Variants in THRB observed in about 807,000 individuals in gnomAD.
THRB encodes thyroid hormone receptor beta.
THRB carries 12 observed loss-of-function variants against 47.8 expected under a neutral mutation model. The observed-to-expected ratio is 0.25, with a 90% CI of 0.16 to 0.41. The LOEUF (loss-of-function observed/expected upper bound fraction) is 0.41, where lower values mean the gene tolerates loss of function less well. Among genes scored for constraint, THRB ranks in the 10% least tolerant of loss-of-function variants. The pLI is 1.00. For synonymous variants in THRB, 218 were observed against 212.2 expected, an observed-to-expected ratio of 1.03 and a Z score of -0.24; for missense variants, 348 against 589.2, an observed-to-expected ratio of 0.59 and a Z score of 4.24.
At chr3:24,164,089 A>G (rs900004636) in intron 5 of THRB, among the ~76,000 whole-genome samples, 8 of 152,176 alleles carry the variant, frequency 5.3e-5, no homozygotes, top group African/African-American at 1.9e-4. Context: ...CCTATAGATT[A>G]TATACAAAAG....
At chr3:24,243,289 T>C (rs550196311) in intron 3 of THRB, among the ~76,000 whole-genome samples, 274 of 152,062 alleles carry the variant, frequency 1.8e-3, no homozygotes, top group Non-Finnish European at 3.2e-3. Context: ...CTGTTTAAAA[T>C]GGCATTCCAA....
chr3:24,485,299 A>T (rs1697119385), intron 1 of THRB, among the ~76,000 whole-genome samples: 1 of 152,230 alleles, frequency 6.6e-6, no homozygotes, highest in East Asian at 1.9e-4. Context: ...TTTCAAATTA[A>T]ACTTGAAATT....
chr3:24,481,239 TTTTTTTTTTTTTTTTTTTA>T, intron 1 of THRB, among the ~76,000 whole-genome samples: 1 of 145,832 alleles, frequency 6.9e-6, no homozygotes, highest in Admixed American at 6.7e-5. Flanking sequence ...GTTTTTTTTT[TTTTTTTTTTTTTTTTTTTA>T]CGGAAAAAGA....
intron 3 of THRB, among the ~76,000 whole-genome samples, chr3:24,255,799 A>G (rs914883773): frequency 6.6e-6 from 1 of 152,236 alleles, no homozygotes; most frequent in Non-Finnish European, 1.5e-5. Flanking sequence ...TAGGCCATAG[A>G]CAAGATTTTA....
chr3:24,212,577 CAA>C (rs1199010853), intron 4 of THRB, among the ~76,000 whole-genome samples: 7,491 of 83,894 alleles, frequency 0.089, 540 homozygotes, highest in African/African-American at 0.28. Context: ...GACTCCGTCT[CAA>C]AAAAAAAAAA....
At chr3:24,187,838 C>T (rs2042793493) in intron 5 of THRB, among the ~76,000 whole-genome samples, 1 of 152,184 alleles carries the variant, frequency 6.6e-6, no homozygotes, top group African/African-American at 2.4e-5. Context: ...TCACTCAACA[C>T]ATGTGCCCAT....
rs142094657 is a variant in THRB at position 24,154,408 on chromosome 3, A to G, written c.284-1918T>C. Among the ~76,000 whole-genome samples the G allele has an allele frequency of 2.8e-3, 434 of 152,350 alleles. 2 individuals carry two copies. Among genetic ancestry groups the G allele is most frequent in the African/African-American group, 9.9e-3 (413 of 41,584 alleles). On this transcript the variant is annotated intron_variant, in intron 5 of 10. Coordinates refer to ENST00000646209, the MANE Select transcript of THRB (RefSeq NM_001354712.2). The stretch of plus-strand genomic sequence containing the variant: ...CTGAAAATACAAAAATGAGTAAGAC[A>G]TGGTTTCTTCCTTTGTAAACTCATA...
At chr3:24,321,921 A>G (rs1415708003) in intron 2 of THRB, among the ~76,000 whole-genome samples, 5 of 152,182 alleles carry the variant, frequency 3.3e-5, no homozygotes, top group African/African-American at 1.2e-4. Flanking sequence ...ATACTATTTT[A>G]CATATTGAGT....
intron 4 of THRB, among the ~76,000 whole-genome samples, chr3:24,226,909 G>A (rs1223884129): frequency 2.0e-5 from 3 of 152,174 alleles, no homozygotes; most frequent in Non-Finnish European, 4.4e-5. Flanking sequence ...TGTATGGGCT[G>A]CAAAGCCAGA....
chr3:24,156,592 G>T (rs2037877681), intron 5 of THRB, among the ~76,000 whole-genome samples: 1 of 152,188 alleles, frequency 6.6e-6, no homozygotes, highest in South Asian at 2.1e-4. Context: ...GTGGTTTGCG[G>T]TAGTGGGAAA....
chr3:24,289,122 C>T (rs2055652401), intron 3 of THRB, among the ~76,000 whole-genome samples: 1 of 152,096 alleles, frequency 6.6e-6, no homozygotes, highest in Admixed American at 6.6e-5. Context: ...GCTTGCTGGC[C>T]AAATGGGAAG....
chr3:24,402,218 T>A (rs73039976), intron 1 of THRB, among the ~76,000 whole-genome samples: 1 of 152,048 alleles, frequency 6.6e-6, no homozygotes, highest in Non-Finnish European at 1.5e-5. Context: ...TTCTTTTGCC[T>A]GCAGAATATT....
At chr3:24,282,735 A>G (rs2054756751) in intron 3 of THRB, among the ~76,000 whole-genome samples, 1 of 149,634 alleles carries the variant, frequency 6.7e-6, no homozygotes, top group Admixed American at 6.6e-5. Context: ...AGACGCAATA[A>G]AAAATGATAA....
intron 3 of THRB, among the ~76,000 whole-genome samples, chr3:24,272,199 A>G (rs892952246): frequency 6.6e-6 from 1 of 152,168 alleles, no homozygotes; most frequent in Non-Finnish European, 1.5e-5. Context: ...TTTAAAAATT[A>G]GCCAGATGTG....
At chr3:24,418,892 C>T (rs916769359) in intron 1 of THRB, among the ~76,000 whole-genome samples, 1 of 151,934 alleles carries the variant, frequency 6.6e-6, no homozygotes, top group African/African-American at 2.4e-5. Context: ...AATGGCTGTT[C>T]AGTCATCCCA....
At chr3:24,179,850 G>A (rs1235085076) in intron 5 of THRB, among the ~76,000 whole-genome samples, 2 of 152,010 alleles carry the variant, frequency 1.3e-5, no homozygotes, top group African/African-American at 2.4e-5. Context: ...TCATAGAACG[G>A]GCATTCATTT....
intron 1 of THRB, among the ~76,000 whole-genome samples, chr3:24,357,378 A>AAAAAAAAAAAAAAAAAAC (rs1560011027): frequency 1.1e-4 from 15 of 141,200 alleles, no homozygotes; most frequent in African/African-American, 4.5e-4. Context: ...AAAAAAACAA[A>AAAAAAAAAAAAAAAAAAC]AAACAAACAA....
chr3:24,488,590 T>C (rs1697663569), intron 1 of THRB, among the ~76,000 whole-genome samples: 1 of 151,962 alleles, frequency 6.6e-6, no homozygotes, highest in Admixed American at 6.6e-5. Context: ...ATCACGATTG[T>C]CTCAGCAGAT....
chr3:24,218,783 A>C (rs934342003), intron 4 of THRB, among the ~76,000 whole-genome samples: 9 of 152,180 alleles, frequency 5.9e-5, no homozygotes, highest in Non-Finnish European at 1.3e-4. Context: ...CAAGTGAGTT[A>C]AACATGTAGA....
Sources: allele counts gnomAD v4.1 joint callset (sites outside exome capture counted in the v4.1 genomes callset), GRCh38; gene constraint gnomAD v4.1.1; transcripts MANE v1.5; gene names NCBI Gene and HGNC (gene_info 2026-07-23, HGNC 2026-07-21).